DPH6: variants seen among roughly 807,000 people sequenced by gnomAD.
DPH6 encodes diphthamine biosynthesis 6.
DPH6 carries 33 observed loss-of-function variants against 38.2 expected under a neutral mutation model. That is an observed-to-expected ratio of 0.86 (90% CI 0.65 to 1.15). DPH6 has a LOEUF of 1.15. DPH6 is among the 50% of genes most tolerant of loss of function. DPH6 has a pLI of 0.00. For missense variants in DPH6, 325 were observed against 320.0 expected (o/e 1.02, Z -0.12); for synonymous variants, 108 against 103.0 (o/e 1.05, Z -0.30).
chr15:35,372,194 C>T lies in DPH6; in HGVS notation c.760G>A (p.Val254Met), dbSNP rs1307909085. 4 of 1,490,168 alleles carry T rather than the reference C, an allele frequency of 2.7e-6. No individual in the cohort carries two copies. The highest frequency in any genetic ancestry group is 3.5e-6 in the Non-Finnish European group (4 of 1,127,554). The allele number at this position is 1,490,168 out of a possible 1,614,324, so 92.3% of individuals were successfully genotyped here. ...TTAGATGTTCTGTAGTTGTCAGGCA[C>T]TGAGGACACCTAAAAAAAAAAGGGA... ...ELHLEDKVSS[V>M]PDNYRTSNYI... Residue 254 changes from valine (V) to methionine (M), a missense_variant, in exon 9 of 9, where the codon GTG becomes ATG. By Grantham distance (21) the Val-to-Met change is conservative. Transcript: ENST00000256538.
the DPH6 span, among the ~76,000 whole-genome samples, chr15:35,193,016 A>G: frequency 6.6e-6 from 1 of 152,228 alleles, no homozygotes; most frequent in Non-Finnish European, 1.5e-5. Context: ...ATGTGCTACA[A>G]TGAATTATAT....
the DPH6 span, among the ~76,000 whole-genome samples, chr15:35,196,267 C>G: frequency 1.3e-5 from 2 of 152,166 alleles, no homozygotes; most frequent in African/African-American, 4.8e-5. Context: ...GGCAGAAAAT[C>G]TGCCACTTTT....
chr15:35,302,023 T>G (rs1193690533), intron 3 of DPH6, among the ~76,000 whole-genome samples: 1 of 152,074 alleles, frequency 6.6e-6, no homozygotes, highest in African/African-American at 2.4e-5. Context: ...AATTCCAACA[T>G]TTATTGTAGT....
chr15:35,366,882 T>C (rs191785734), downstream of DPH6, among the ~76,000 whole-genome samples: 1 of 152,126 alleles, frequency 6.6e-6, no homozygotes, highest in East Asian at 1.9e-4. Context: ...GTAATTTACC[T>C]ACATTTATAG....
At chr15:35,173,696 T>C in the DPH6 span, among the ~76,000 whole-genome samples, 104 of 152,262 alleles carry the variant, frequency 6.8e-4, no homozygotes, top group East Asian at 0.019. Flanking sequence ...CCCTCACTCA[T>C]TGCTGCAGCC....
intron 3 of DPH6, among the ~76,000 whole-genome samples, chr15:35,508,215 C>T (rs1426187190): frequency 1.3e-5 from 2 of 152,024 alleles, no homozygotes; most frequent in Non-Finnish European, 2.9e-5. Flanking sequence ...CAAGACTTTG[C>T]CCAACAAATA....
Position 35,298,565 on chromosome 15 carries a change from A to G in DPH6, n.200+74956T>C. 4 of 787,888 alleles carry G rather than the reference A, an allele frequency of 5.1e-6. No homozygotes were observed. The South Asian group carries it at 5.4e-5, about 11-fold the overall frequency. 48.8% of individuals were successfully genotyped at this position (787,888 alleles called of 1,614,324 possible). A position where few individuals can be genotyped will look rare whatever the true frequency, so the allele number is the denominator to read the frequency against. On this transcript the variant is annotated intron_variant and non_coding_transcript_variant, in intron 3 of 3. Coordinates refer to the DPH6 transcript ENST00000560386. Reference sequence around the variant, plus strand: ...ATTAAGACACTTAAGTATTTCAGTCAGTGGATTTGAATCTGACTTCTTGGA... The same window carrying G: ...ATTAAGACACTTAAGTATTTCAGTCGGTGGATTTGAATCTGACTTCTTGGA...
chr15:35,427,978 C>T (rs2053589980), intron 5 of DPH6, among the ~76,000 whole-genome samples: 1 of 151,682 alleles, frequency 6.6e-6, no homozygotes, highest in African/African-American at 2.4e-5. Flanking sequence ...CAAGAGGCAG[C>T]CTAAGAATAT....
chr15:35,324,618 G>A lies in DPH6; in HGVS notation n.200+48903C>T, dbSNP rs535501453. ...GACCAGGACATAAAAGATTGTCACTGAAAGTGAGAACATACATTGCAGATA... is the reference window on the plus strand; with the variant it reads ...GACCAGGACATAAAAGATTGTCACTAAAAGTGAGAACATACATTGCAGATA... On this transcript the variant is annotated intron_variant and non_coding_transcript_variant, in intron 3 of 3. Coordinates refer to the DPH6 transcript ENST00000560386. Among the ~76,000 whole-genome samples the A allele has an allele frequency of 2.0e-5, 3 of 152,262 alleles. No homozygotes were observed. The East Asian group carries it at 5.8e-4, about 29-fold the overall frequency.
intron 3 of DPH6, among the ~76,000 whole-genome samples, chr15:35,289,867 T>A (rs1049965069): frequency 2.0e-5 from 3 of 152,226 alleles, no homozygotes. Context: ...AATCTGCTGA[T>A]AAATGTTAAG....
chr15:35,471,089 T>A (rs1263216310), intron 3 of DPH6, among the ~76,000 whole-genome samples: 1 of 152,180 alleles, frequency 6.6e-6, no homozygotes, highest in Non-Finnish European at 1.5e-5. Flanking sequence ...AAAATACAGA[T>A]AATATCTAGT....
chr15:35,512,667 T>G (rs16961146), intron 3 of DPH6, among the ~76,000 whole-genome samples: 15,104 of 152,046 alleles, frequency 0.099, 1,180 homozygotes, highest in African/African-American at 0.22. Context: ...TGTTCCCACC[T>G]TGAGTTCACG....
intron 5 of DPH6, among the ~76,000 whole-genome samples, chr15:35,427,171 T>C (rs1003215472): frequency 1.2e-4 from 18 of 151,786 alleles, no homozygotes; most frequent in African/African-American, 4.3e-4. Flanking sequence ...TAGTTTAGTT[T>C]TATTTTGCAT....
intron 5 of DPH6, among the ~76,000 whole-genome samples, chr15:35,411,913 A>G (rs1373255471): frequency 6.6e-6 from 1 of 151,700 alleles, no homozygotes; most frequent in Non-Finnish European, 1.5e-5. Flanking sequence ...AAACTCCTAT[A>G]ACAGGAAAAA....
chr15:35,234,556 C>T (rs2051538932), intron 3 of DPH6, among the ~76,000 whole-genome samples: 1 of 152,200 alleles, frequency 6.6e-6, no homozygotes. Context: ...TATAATTGTA[C>T]TTTCTTTTTC....
intron 3 of DPH6, among the ~76,000 whole-genome samples, chr15:35,228,205 T>C (rs992610492): frequency 1.3e-5 from 2 of 152,192 alleles, no homozygotes; most frequent in Non-Finnish European, 2.9e-5. Flanking sequence ...ATAAAGACCC[T>C]GCACCTTAAA....
chr15:35,249,157 C>T (rs2051655441), intron 3 of DPH6, among the ~76,000 whole-genome samples: 2 of 152,266 alleles, frequency 1.3e-5, no homozygotes, highest in South Asian at 4.1e-4. Flanking sequence ...AAAGCATTCC[C>T]TTTACTGAAC....
intron 7 of DPH6, among the ~76,000 whole-genome samples, chr15:35,381,448 T>C (rs1033124988): frequency 2.6e-5 from 4 of 152,200 alleles, no homozygotes; most frequent in African/African-American, 7.2e-5. Context: ...AAGGAGTTAA[T>C]GGAACCCACA....
At chr15:35,298,274 A>G (rs1008277506) in intron 3 of DPH6, 4 of 564,136 alleles carry the variant, frequency 7.1e-6, no homozygotes, top group Non-Finnish European at 1.4e-5. Context: ...AATCCAAGAT[A>G]CTGAATTTTT....
Sources: gnomAD v4.1 joint callset for allele counts (sites outside exome capture counted in the v4.1 genomes callset) on GRCh38, gnomAD v4.1.1 for gene constraint, MANE v1.5 for transcripts, NCBI Gene and HGNC (gene_info 2026-07-23, HGNC 2026-07-21) for gene names.